ANKS1B: variants seen among roughly 807,000 people sequenced by gnomAD.
ANKS1B encodes ankyrin repeat and sterile alpha motif domain containing 1B.
ANKS1B carries 36 observed loss-of-function variants against 148.3 expected under a neutral mutation model. The ratio of observed to expected loss-of-function variants is 0.24; its 90% CI spans 0.19 to 0.32. The LOEUF is 0.32. ANKS1B is among the 10% of genes least tolerant of loss of function. ANKS1B has a pLI of 1.00. For missense variants in ANKS1B, 1,157 were observed against 1,542.6 expected (o/e 0.75, Z 4.19); for synonymous variants, 542 against 560.8 (o/e 0.97, Z 0.47).
intron 9 of ANKS1B, among the ~76,000 whole-genome samples, chr12:99,553,363 C>T (rs1184532404): frequency 6.6e-6 from 1 of 152,150 alleles, no homozygotes; most frequent in African/African-American, 2.4e-5. Flanking sequence ...AATATCTGAA[C>T]ATCTCATTTA....
intron 1 of ANKS1B, among the ~76,000 whole-genome samples, chr12:99,904,234 C>T (rs2093699851): frequency 6.6e-6 from 1 of 151,028 alleles, no homozygotes. Context: ...CTCTGTCACC[C>T]AGGCTGGAGT....
At chr12:98,768,016 T>C (rs1024552620) in intron 25 of ANKS1B, among the ~76,000 whole-genome samples, 1 of 152,198 alleles carries the variant, frequency 6.6e-6, no homozygotes, top group Non-Finnish European at 1.5e-5. Flanking sequence ...CCTAGTCTCA[T>C]AACACATCCT....
At chr12:98,793,425 T>G (rs1016407915) in intron 22 of ANKS1B, among the ~76,000 whole-genome samples, 1 of 152,156 alleles carries the variant, frequency 6.6e-6, no homozygotes, top group African/African-American at 2.4e-5. Flanking sequence ...GACATTGGAC[T>G]GGGAAAGAAT....
At chr12:99,767,727 A>G (rs1289384685) in intron 8 of ANKS1B, among the ~76,000 whole-genome samples, 1 of 152,130 alleles carries the variant, frequency 6.6e-6, no homozygotes, top group East Asian at 1.9e-4. Flanking sequence ...TTTCAGATGC[A>G]TATTATAAGA....
intron 17 of ANKS1B, among the ~76,000 whole-genome samples, chr12:98,836,232 A>C (rs1471655594): frequency 1.3e-5 from 2 of 152,196 alleles, no homozygotes; most frequent in Non-Finnish European, 2.9e-5. Context: ...ATCATGTTTA[A>C]AGCATTTATA....
intron 14 of ANKS1B, among the ~76,000 whole-genome samples, chr12:99,211,078 A>G (rs566147142): frequency 8.5e-5 from 13 of 152,234 alleles, no homozygotes; most frequent in Non-Finnish European, 1.6e-4. Flanking sequence ...CATGATTATG[A>G]GGACACTATA....
chr12:99,909,239 T>C (rs1037793021), intron 1 of ANKS1B, among the ~76,000 whole-genome samples: 12 of 151,148 alleles, frequency 7.9e-5, no homozygotes, highest in Admixed American at 2.0e-4. Flanking sequence ...TGTGTGTGTG[T>C]GTGTGTGTGT....
chr12:99,282,476 A>G (rs1286245173), intron 12 of ANKS1B, among the ~76,000 whole-genome samples: 1 of 152,202 alleles, frequency 6.6e-6, no homozygotes, highest in Non-Finnish European at 1.5e-5. Context: ...TGTTTTCAAA[A>G]GACTACTCTG....
At chr12:99,721,920 G>T (rs1269553893) in intron 8 of ANKS1B, among the ~76,000 whole-genome samples, 2 of 152,246 alleles carry the variant, frequency 1.3e-5, no homozygotes, top group Non-Finnish European at 2.9e-5. Flanking sequence ...AAGGGAAACA[G>T]CCTGAATGCT....
chr12:99,613,783 T>G (rs2097922196), intron 9 of ANKS1B, among the ~76,000 whole-genome samples: 1 of 151,966 alleles, frequency 6.6e-6, no homozygotes. Context: ...TGAAATAATC[T>G]GTACAACAAA....
At chr12:99,770,997 C>G (rs1485804354) in intron 8 of ANKS1B, among the ~76,000 whole-genome samples, 1 of 152,082 alleles carries the variant, frequency 6.6e-6, no homozygotes, top group East Asian at 1.9e-4. Flanking sequence ...GCCACTATCA[C>G]AATACAGTCT....
chr12:99,287,297 C>T (rs1363367295), intron 12 of ANKS1B, among the ~76,000 whole-genome samples: 1 of 152,126 alleles, frequency 6.6e-6, no homozygotes, highest in Non-Finnish European at 1.5e-5. Flanking sequence ...TCACCTAAGA[C>T]CAGGAAGGTG....
chr12:99,484,469 T>C (rs2096459328), intron 10 of ANKS1B, among the ~76,000 whole-genome samples: 1 of 152,034 alleles, frequency 6.6e-6, no homozygotes, highest in East Asian at 1.9e-4. Flanking sequence ...TATTCTATTG[T>C]TCTAGGGTAA....
intron 17 of ANKS1B, among the ~76,000 whole-genome samples, chr12:98,985,606 T>C (rs2099922859): frequency 6.6e-6 from 1 of 151,704 alleles, no homozygotes; most frequent in Non-Finnish European, 1.5e-5. Context: ...AATAATATAA[T>C]AATATATATT....
At chr12:98,794,644 A>G (rs1229128454) in intron 22 of ANKS1B, 2 of 852,350 alleles carry the variant, frequency 2.3e-6, no homozygotes, top group East Asian at 2.4e-5. Flanking sequence ...GGTGGACCAA[A>G]GCATTCTGGA....
intron 16 of ANKS1B, among the ~76,000 whole-genome samples, chr12:99,070,266 G>T (rs2045845073): frequency 6.6e-6 from 1 of 152,064 alleles, no homozygotes. Flanking sequence ...AAGGACTACT[G>T]GTTTGAAGTA....
chr12:99,410,637 C>G (rs2094667977), intron 11 of ANKS1B, among the ~76,000 whole-genome samples: 1 of 152,160 alleles, frequency 6.6e-6, no homozygotes, highest in Non-Finnish European at 1.5e-5. Flanking sequence ...CCACTGCACT[C>G]CAGCCTGGGC....
intron 8 of ANKS1B, among the ~76,000 whole-genome samples, chr12:99,749,189 C>T (rs182947260): frequency 1.2e-4 from 18 of 152,144 alleles, no homozygotes; most frequent in Non-Finnish European, 5.9e-5. Flanking sequence ...ATACATAATC[C>T]GGGGCTAATT....
intron 1 of ANKS1B, among the ~76,000 whole-genome samples, chr12:99,852,975 G>A (rs924804799): frequency 7.9e-5 from 12 of 152,118 alleles, no homozygotes; most frequent in Non-Finnish European, 1.5e-5. Context: ...CAACCTGTGT[G>A]AGCAGCAGAG....
Sources: gnomAD v4.1 joint callset for allele counts (sites outside exome capture counted in the v4.1 genomes callset) on GRCh38, gnomAD v4.1.1 for gene constraint, MANE v1.5 for transcripts, NCBI Gene and HGNC (gene_info 2026-07-23, HGNC 2026-07-21) for gene names.